Variants in APBB2 observed in about 807,000 individuals in gnomAD.
The protein encoded by APBB2 is Fe65-like 1.
In APBB2, 38 loss-of-function variants were observed where a neutral mutation model predicts 82.5. That is an observed-to-expected ratio of 0.46 (90% CI 0.36 to 0.60). The LOEUF (loss-of-function observed/expected upper bound fraction) is 0.60. Among genes scored for constraint, APBB2 ranks in the 20% least tolerant of loss-of-function variants. The pLI, the probability that APBB2 is intolerant of heterozygous loss-of-function variation, is 0.00. For synonymous variants in APBB2, 341 were observed against 368.2 expected (o/e 0.93, Z 0.85); for missense variants, 772 against 972.3 (o/e 0.79, Z 2.74).
intron 4 of APBB2, among the ~76,000 whole-genome samples, chr4:41,059,562 C>T (rs1338243447): frequency 2.0e-5 from 3 of 152,376 alleles, no homozygotes; most frequent in Non-Finnish European, 2.9e-5. Context: ...GGCGGAAAAC[C>T]GCTTAAAGGC....
chr4:41,140,811 T>G (rs535168534), intron 2 of APBB2, among the ~76,000 whole-genome samples: 1 of 152,330 alleles, frequency 6.6e-6, no homozygotes, highest in East Asian at 1.9e-4. Context: ...CTAGGTTGCA[T>G]GCTTCCTATG....
intron 3 of APBB2, among the ~76,000 whole-genome samples, chr4:41,092,337 G>A (rs148572938): frequency 2.1e-3 from 323 of 152,310 alleles, no homozygotes; most frequent in African/African-American, 7.3e-3. Flanking sequence ...TCACATAATG[G>A]GTGGAGGCAA....
At chr4:40,883,548 C>T (rs1327273305) in intron 12 of APBB2, among the ~76,000 whole-genome samples, 3 of 152,108 alleles carry the variant, frequency 2.0e-5, no homozygotes, top group Non-Finnish European at 2.9e-5. Context: ...GATCATGCTA[C>T]TGCACTCCAG....
At chr4:41,136,737 G>C (rs1298964721) in intron 2 of APBB2, among the ~76,000 whole-genome samples, 1 of 152,156 alleles carries the variant, frequency 6.6e-6, no homozygotes, top group Admixed American at 6.5e-5. Context: ...GCAATAGTCA[G>C]CTCAGCTATG....
intron 4 of APBB2, among the ~76,000 whole-genome samples, chr4:41,038,415 A>T (rs908900843): frequency 5.3e-5 from 8 of 152,170 alleles, no homozygotes; most frequent in African/African-American, 1.9e-4. Context: ...CAATGTGCCT[A>T]GCTCTTTGTC....
At chr4:40,946,330 G>A (rs1788454668) in intron 6 of APBB2, among the ~76,000 whole-genome samples, 2 of 151,730 alleles carry the variant, frequency 1.3e-5, no homozygotes, top group African/African-American at 2.4e-5. Context: ...ACAGGCCAGT[G>A]ATGTAAACAT....
rs946811852 is a variant in APBB2, at chr4:41,041,673, C to T, written c.-50-8369G>A. Among the ~76,000 whole-genome samples the T allele has an allele frequency of 2.6e-5, 4 of 152,264 alleles. No individual in the cohort carries two copies. The East Asian group carries it at 5.8e-4, about 22-fold the overall frequency. On this transcript the variant is annotated intron_variant, in intron 4 of 17. Coordinates refer to ENST00000508593, the MANE Select transcript of APBB2 (RefSeq NM_004307.2). The stretch of plus-strand genomic sequence containing the variant: ...TCCTATCACCAATTTCTTTATCTTT[C>T]GCAAAAATACTTAAGGACATTGATT...
At chr4:41,001,685 C>A (rs1805281245) in intron 6 of APBB2, among the ~76,000 whole-genome samples, 1 of 152,116 alleles carries the variant, frequency 6.6e-6, no homozygotes, top group Admixed American at 6.5e-5. Context: ...CAAGACCAGC[C>A]TGGCCAACCT....
At chr4:40,817,387 C>T (rs1029374864) in intron 17 of APBB2, among the ~76,000 whole-genome samples, 5 of 151,486 alleles carry the variant, frequency 3.3e-5, no homozygotes, top group East Asian at 1.9e-4. Flanking sequence ...CCAGCCTGGG[C>T]GACGGAGTGA....
At chr4:40,926,295 C>T (rs1259240848) in intron 10 of APBB2, among the ~76,000 whole-genome samples, 1 of 152,194 alleles carries the variant, frequency 6.6e-6, no homozygotes, top group African/African-American at 2.4e-5. Context: ...AATTTGCCCA[C>T]AGGTACAGTA....
chr4:40,964,981 G>T (rs999022077), intron 6 of APBB2, among the ~76,000 whole-genome samples: 1 of 152,056 alleles, frequency 6.6e-6, no homozygotes, highest in East Asian at 1.9e-4. Context: ...TTAGCTGGGC[G>T]TGGTGGCACG....
chr4:41,005,875 A>G (rs1029189497), intron 6 of APBB2, among the ~76,000 whole-genome samples: 2 of 152,220 alleles, frequency 1.3e-5, no homozygotes, highest in Non-Finnish European at 1.5e-5. Context: ...TCCAGCACAG[A>G]TAACTTCAAG....
At chr4:41,144,514 T>C (rs1227712206) in intron 1 of APBB2, among the ~76,000 whole-genome samples, 1 of 152,194 alleles carries the variant, frequency 6.6e-6, no homozygotes, top group African/African-American at 2.4e-5. Flanking sequence ...AAATAAGGGG[T>C]TTAAGACTGC....
intron 1 of APBB2, among the ~76,000 whole-genome samples, chr4:41,178,268 A>T (rs974101288): frequency 2.0e-5 from 3 of 152,206 alleles, no homozygotes; most frequent in Non-Finnish European, 4.4e-5. Flanking sequence ...ATCCTTTGTC[A>T]ATCTATCCTA....
chr4:41,077,805 G>A (rs1736154370), intron 3 of APBB2, among the ~76,000 whole-genome samples: 1 of 152,114 alleles, frequency 6.6e-6, no homozygotes, highest in South Asian at 2.1e-4. Flanking sequence ...AATTCCCAAC[G>A]TGATTGCTAA....
chr4:40,897,328 AC>A (rs1476767632), intron 10 of APBB2, among the ~76,000 whole-genome samples: 3 of 152,142 alleles, frequency 2.0e-5, no homozygotes, highest in Non-Finnish European at 4.4e-5. Flanking sequence ...ACATGGTGAA[AC>A]CCCGTTTCTA....
chr4:41,092,613 C>T (rs567597092), intron 3 of APBB2, among the ~76,000 whole-genome samples: 4 of 150,686 alleles, frequency 2.7e-5, no homozygotes, highest in African/African-American at 7.3e-5. Context: ...CGCTTGAACC[C>T]GAGAGGCGGA....
chr4:41,146,234 G>A (rs1760677183), intron 1 of APBB2, among the ~76,000 whole-genome samples: 2 of 151,034 alleles, frequency 1.3e-5, no homozygotes, highest in South Asian at 4.2e-4. Flanking sequence ...GCTGAGGCAG[G>A]AGGATCACTT....
intron 4 of APBB2, among the ~76,000 whole-genome samples, chr4:41,063,770 C>G (rs112229396): frequency 0.094 from 14,263 of 152,104 alleles, 890 homozygotes; most frequent in Admixed American, 0.2. Context: ...CCTGTACCTC[C>G]TGGGCTCAAG....
Sources: gnomAD v4.1 joint callset for allele counts (sites outside exome capture counted in the v4.1 genomes callset) on GRCh38, gnomAD v4.1.1 for gene constraint, MANE v1.5 for transcripts, NCBI Gene and HGNC (gene_info 2026-07-23, HGNC 2026-07-21) for gene names.